C6: variants seen among roughly 807,000 people sequenced by gnomAD.
C6 encodes the protein complement C6.
Under a neutral mutation model 112.9 loss-of-function variants are expected in C6, and 101 were observed. The observed-to-expected ratio is 0.89, with a 90% CI of 0.76 to 1.06. The LOEUF is 1.06. C6 is among the 50% of genes least tolerant of loss of function. C6 has a pLI of 0.00. For missense variants in C6, 1,202 were observed against 1,104.6 expected (o/e 1.09, Z -1.25); for synonymous variants, 431 against 384.1 (o/e 1.12, Z -1.43).
At chr5:41,238,605 G>A (rs949802853) in intron 1 of C6, among the ~76,000 whole-genome samples, 3 of 152,170 alleles carry the variant, frequency 2.0e-5, no homozygotes, top group South Asian at 2.1e-4. Context: ...GAGAAGAGGT[G>A]AGACATGACC....
At position 41,160,454 on chromosome 5, in the gene C6, G is replaced by A. The variant is rs1561109697; in HGVS notation, c.1459-87C>T. The A allele has an allele frequency of 2.1e-5, 21 of 1,023,678 alleles. No individual in the cohort carries two copies. In the South Asian group the frequency reaches 2.7e-4, roughly 13 times the overall value. 63.4% of individuals were successfully genotyped at this position (1,023,678 alleles called of 1,614,324 possible). A position where few individuals can be genotyped will look rare whatever the true frequency, so the allele number is the denominator to read the frequency against. ...CTGCCCAGTTCTCTGAAATGAGAGG[G>A]AAAGCCTGAAAATTTTACACTTCAA... On this transcript the variant is annotated intron_variant, in intron 10 of 17. Transcript: ENST00000337836.
rs1386137861 is a variant in C6 at position 41,213,480 on chromosome 5, T to G, written c.-125A>C. ...TATATATGTTAATCCAAACAAAGCT[T>G]CTTTTCTTATTGCTAGCTAACACAA... On this transcript the variant is annotated 5_prime_UTR_variant, in exon 1 of 18. Coordinates refer to ENST00000337836, the MANE Select transcript of C6 (RefSeq NM_000065.5). The G allele has an allele frequency of 1.0e-6, 1 of 985,316 alleles. No homozygotes were observed. Among genetic ancestry groups the G allele is most frequent in the African/African-American group, 1.7e-5 (1 of 57,350 alleles). The allele number at this position is 985,316 out of a possible 1,614,324, so 61.0% of individuals were successfully genotyped here. A position where few individuals can be genotyped will look rare whatever the true frequency, so the allele number is the denominator to read the frequency against.
chr5:41,209,528 G>A (rs1285439788), intron 1 of C6, among the ~76,000 whole-genome samples: 1 of 152,134 alleles, frequency 6.6e-6, no homozygotes, highest in Non-Finnish European at 1.5e-5. Context: ...CAAAGTCTCA[G>A]GATACAAAAT....
chr5:41,227,731 C>CT (rs113075687), intron 1 of C6, among the ~76,000 whole-genome samples: 17,055 of 152,066 alleles, frequency 0.11, 1,924 homozygotes, highest in African/African-American at 0.29. Flanking sequence ...AGAGACTGTC[C>CT]TTCCCCATTG....
intron 9 of C6, among the ~76,000 whole-genome samples, chr5:41,169,545 G>A (rs1317033390): frequency 6.6e-6 from 1 of 152,100 alleles, no homozygotes; most frequent in African/African-American, 2.4e-5. Context: ...ACCTGAGACT[G>A]GGTAATTTAT....
At chr5:41,214,798 CAG>C (rs1376913382), upstream of C6, among the ~76,000 whole-genome samples, 1 of 152,088 alleles carries the variant, frequency 6.6e-6, no homozygotes, top group African/African-American at 2.4e-5. Flanking sequence ...AGTCATAATA[CAG>C]AGAGATGCAA....
intron 17 of C6, among the ~76,000 whole-genome samples, chr5:41,148,477 A>G (rs549767144): frequency 1.6e-4 from 25 of 152,294 alleles, no homozygotes; most frequent in East Asian, 5.8e-4. Flanking sequence ...TATTAGAGTC[A>G]CCCCAAATTA....
intron 1 of C6, among the ~76,000 whole-genome samples, chr5:41,253,055 C>T (rs1490787162): frequency 6.6e-6 from 1 of 152,168 alleles, no homozygotes; most frequent in African/African-American, 2.4e-5. Context: ...GAATAAACTT[C>T]TTCAAATATT....
At position 41,149,944 on chromosome 5, in the gene C6, T is replaced by C. The variant is rs1188920569; in HGVS notation, c.2372A>G (p.Glu791Gly). The C allele has an allele frequency of 3.1e-6, 5 of 1,609,126 alleles. No individual in the cohort carries two copies. Among genetic ancestry groups the C allele is most frequent in the Non-Finnish European group, 4.3e-6 (5 of 1,175,524 alleles). Residue 791 changes from glutamate (E) to glycine (G), a missense_variant, in exon 16 of 18, where the codon GAA becomes GGA. Physicochemically the swap from Glu to Gly is moderately conservative, Grantham distance 98 (BLOSUM62 -2). Coordinates refer to ENST00000337836, the MANE Select transcript of C6 (RefSeq NM_000065.5). ...GSECICMSPE[E>G]DCSHHSEDLC... ...GTAGGGTATCTCTTACCTACAGTCT[T>C]CTTCTGGAGACATACAAATGCATTC... is the stretch of plus-strand genomic sequence containing the variant.
chr5:41,223,146 A>G (rs985177802), intron 1 of C6, among the ~76,000 whole-genome samples: 4 of 152,170 alleles, frequency 2.6e-5, no homozygotes, highest in African/African-American at 9.7e-5. Context: ...CTTGGTTTCT[A>G]TGGTTTCTCC....
At chr5:41,222,432 T>C (rs1739232194) in intron 1 of C6, among the ~76,000 whole-genome samples, 1 of 152,022 alleles carries the variant, frequency 6.6e-6, no homozygotes, top group African/African-American at 2.4e-5. Flanking sequence ...AGTTTTATAT[T>C]TTTTATTTTA....
rs143982190 is a variant in C6, at chr5:41,238,484, C to T, written c.-21+22710G>A. On this transcript the variant is annotated intron_variant, in intron 1 of 17. Coordinates refer to the C6 transcript ENST00000263413. ...CATTATTGCCTTCTTTTAACCCAGG[C>T]GAAGAGGAGAATATGGGGCAAGTCT... Among the ~76,000 whole-genome samples the T allele has an allele frequency of 1.5e-3, 225 of 152,112 alleles. 1 individual carries two copies. The highest frequency in any genetic ancestry group is 4.8e-3 in the African/African-American group (201 of 41,488).
chr5:41,234,699 C>T (rs1740144514), intron 1 of C6, among the ~76,000 whole-genome samples: 1 of 152,120 alleles, frequency 6.6e-6, no homozygotes, highest in Non-Finnish European at 1.5e-5. Context: ...CTTGAGATTG[C>T]TGTACTGTGG....
chr5:41,205,188 C>A (rs1751338154), intron 1 of C6, among the ~76,000 whole-genome samples: 2 of 152,134 alleles, frequency 1.3e-5, no homozygotes. Flanking sequence ...GCTTTTTACT[C>A]CAACTCATAG....
intron 8 of C6, among the ~76,000 whole-genome samples, chr5:41,175,296 A>G (rs1748745007): frequency 6.6e-6 from 1 of 152,230 alleles, no homozygotes; most frequent in African/African-American, 2.4e-5. Context: ...TACTGAATAT[A>G]TATACACACA....
At chr5:41,165,507 C>T (rs1362793133) in intron 9 of C6, among the ~76,000 whole-genome samples, 2 of 152,036 alleles carry the variant, frequency 1.3e-5, no homozygotes, top group South Asian at 2.1e-4. Context: ...CCTTTTGATT[C>T]CCAGTTATCT....
intron 17 of C6, among the ~76,000 whole-genome samples, chr5:41,144,698 A>G (rs1745650994): frequency 1.3e-5 from 2 of 152,178 alleles, no homozygotes; most frequent in Admixed American, 1.3e-4. Context: ...GGTAATAAGC[A>G]TAGTGCATGA....
chr5:41,258,776 T>C (rs1038818560), intron 1 of C6, among the ~76,000 whole-genome samples: 1 of 152,116 alleles, frequency 6.6e-6, no homozygotes, highest in African/African-American at 2.4e-5. Flanking sequence ...TTAACAATCA[T>C]GGCGGAAAGC....
chr5:41,149,275 G>A lies in C6; in HGVS notation c.2589C>T (p.Gly863=). ...SSNSTKKESC[G]YDTCYDWEKC... is the part of the protein sequence containing the mutation. ...TTTCCCAGTCATAGCAGGTGTCATA[G>A]CCACAGGATTCTTTCTTTGTGCTGT... Residue 863 remains glycine, a synonymous_variant, in exon 17 of 18, where the codon GGC becomes GGT. Transcript: ENST00000337836. The A allele has an allele frequency of 6.2e-7, 1 of 1,614,038 alleles. No homozygotes were observed. Among genetic ancestry groups the A allele is most frequent in the South Asian group, 1.1e-5 (1 of 91,066 alleles).
Sources: gnomAD v4.1 joint callset for allele counts (sites outside exome capture counted in the v4.1 genomes callset) on GRCh38, gnomAD v4.1.1 for gene constraint, MANE v1.5 for transcripts, NCBI Gene and HGNC (gene_info 2026-07-23, HGNC 2026-07-21) for gene names.